ANOS1: variants seen among roughly 807,000 people sequenced by gnomAD.
ANOS1 encodes anosmin 1, also known as anosmin-1.
In ANOS1, 6 loss-of-function variants were observed where a neutral mutation model predicts 59.0. The observed-to-expected ratio is 0.10, with a 90% CI of 0.06 to 0.20. ANOS1 has a LOEUF of 0.20. Among genes scored for constraint, ANOS1 ranks in the 10% least tolerant of loss-of-function variants. ANOS1 has a pLI of 1.00. For synonymous variants in ANOS1, 217 were observed against 223.4 expected (o/e 0.97, Z 0.25); for missense variants, 433 against 542.3 (o/e 0.80, Z 2.00).
At chrX:8,598,081 G>A (rs759067330) in intron 3 of ANOS1, among the ~76,000 whole-genome samples, 8 of 111,715 alleles carry the variant, frequency 7.2e-5, no homozygotes, top group Non-Finnish European at 9.4e-5. Flanking sequence ...TTGTCTAAGC[G>A]TTCTAATTGA....
chrX:8,608,150 T>C lies in ANOS1; in HGVS notation c.319-10894A>G, dbSNP rs1015915412. Among the ~76,000 whole-genome samples the C allele has an allele frequency of 1.5e-4, 17 of 111,742 alleles. 2 individuals carry two copies. The highest frequency in any genetic ancestry group is 9.5e-4 in the Admixed American group (10 of 10,482). On this transcript the variant is annotated intron_variant, in intron 3 of 13. Transcript: ENST00000262648. ...GCAAGTGTCACTTTCTTCAAAATAT[T>C]AAAGGAAGATAAAATATTACCCTAA...
chrX:8,712,426 A>T (rs1368407564), intron 1 of ANOS1, among the ~76,000 whole-genome samples: 1 of 112,391 alleles, frequency 8.9e-6, no homozygotes, highest in East Asian at 2.8e-4. Context: ...CAACATATGG[A>T]GTTAGAGGTG....
chrX:8,665,616 C>T (rs1932121195), intron 2 of ANOS1, among the ~76,000 whole-genome samples: 1 of 111,925 alleles, frequency 8.9e-6, no homozygotes, highest in African/African-American at 3.2e-5. Context: ...TCTAAAACAT[C>T]AAAATATTTC....
chrX:8,539,485 T>C lies in ANOS1; in HGVS notation c.1449+179A>G, dbSNP rs183208968. Among the ~76,000 whole-genome samples, 773 of 110,911 alleles carry C rather than the reference T, an allele frequency of 7.0e-3. 5 individuals carry two copies. Among genetic ancestry groups the C allele is most frequent in the Non-Finnish European group, 0.011 (600 of 52,970 alleles). On this transcript the variant is annotated intron_variant, in intron 10 of 13. Transcript: ENST00000262648. ...ATAACAGAGTAAGCTCCCAGTGCAA[T>C]GGTGTGAATGGATAAAAGAATGAGT... is the stretch of plus-strand genomic sequence containing the variant.
At chrX:8,546,444 A>C (rs983645216) in intron 9 of ANOS1, among the ~76,000 whole-genome samples, 1 of 112,371 alleles carries the variant, frequency 8.9e-6, no homozygotes, top group Non-Finnish European at 1.9e-5. Flanking sequence ...GGAATGGATA[A>C]AATTTAAGAA....
intron 4 of ANOS1, among the ~76,000 whole-genome samples, chrX:8,589,912 A>T (rs953711454): frequency 9.0e-6 from 1 of 111,731 alleles, no homozygotes; most frequent in Non-Finnish European, 1.9e-5. Context: ...AACCTTTTTG[A>T]TATGTTCTTG....
rs1033256939 is a variant in ANOS1 at position 8,712,422 on chromosome X, A to T, written c.208-12677T>A. ...GAACTGGGGGTTAGGACATCAACATATGGAGTTAGAGGTGCATTATTCAAT... is the reference window on the plus strand; with the variant it reads ...GAACTGGGGGTTAGGACATCAACATTTGGAGTTAGAGGTGCATTATTCAAT... On this transcript the variant is annotated intron_variant, in intron 1 of 13. Coordinates refer to ENST00000262648, the MANE Select transcript of ANOS1 (RefSeq NM_000216.4). Among the ~76,000 whole-genome samples the T allele has an allele frequency of 7.1e-5, 8 of 112,421 alleles. No individual in the cohort carries two copies. In the Admixed American group the frequency reaches 7.5e-4, roughly 11 times the overall value.
intron 2 of ANOS1, among the ~76,000 whole-genome samples, chrX:8,634,913 C>T (rs1931548104): frequency 9.0e-6 from 1 of 111,259 alleles, no homozygotes; most frequent in Non-Finnish European, 1.9e-5. Context: ...GATATGTCTT[C>T]CCAAGCAACT....
intron 3 of ANOS1, among the ~76,000 whole-genome samples, chrX:8,616,484 G>T (rs1206648382): frequency 3.6e-5 from 4 of 111,070 alleles, no homozygotes; most frequent in Non-Finnish European, 7.5e-5. Context: ...TTTCAGCCTA[G>T]AACTCTCACC....
intron 3 of ANOS1, among the ~76,000 whole-genome samples, chrX:8,607,967 C>T (rs557443213): frequency 2.7e-5 from 3 of 111,392 alleles, no homozygotes; most frequent in African/African-American, 6.5e-5. Context: ...CTTTAAAGAC[C>T]AGTCATCAAT....
intron 2 of ANOS1, among the ~76,000 whole-genome samples, chrX:8,672,371 C>G (rs918814255): frequency 2.7e-5 from 3 of 112,134 alleles, no homozygotes; most frequent in African/African-American, 9.7e-5. Context: ...CTGAGGACAC[C>G]CTGCTGGTAA....
intron 1 of ANOS1, among the ~76,000 whole-genome samples, chrX:8,701,511 T>G (rs1161455728): frequency 1.8e-5 from 2 of 112,045 alleles, no homozygotes; most frequent in South Asian, 3.7e-4. Context: ...AAGAAACCTG[T>G]ACCTATTTGT....
chrX:8,675,598 G>A (rs1054270610), intron 2 of ANOS1, among the ~76,000 whole-genome samples: 22 of 111,152 alleles, frequency 2.0e-4, no homozygotes, highest in African/African-American at 5.9e-4. Context: ...CATTTCATGC[G>A]TCTCTAAAGC....
intron 3 of ANOS1, among the ~76,000 whole-genome samples, chrX:8,621,633 ACATT>A (rs1402019153): frequency 1.8e-5 from 2 of 112,368 alleles, no homozygotes; most frequent in Admixed American, 9.5e-5. Flanking sequence ...CCATGCACTT[ACATT>A]CATTATCTAT....
chrX:8,549,070 G>A (rs1002286167), intron 9 of ANOS1, among the ~76,000 whole-genome samples: 3 of 111,665 alleles, frequency 2.7e-5, no homozygotes, highest in Non-Finnish European at 5.6e-5. Flanking sequence ...CCCAAATCAA[G>A]GTCACTCCTT....
At chrX:8,675,177 G>A (rs781731880) in intron 2 of ANOS1, among the ~76,000 whole-genome samples, 8 of 111,635 alleles carry the variant, frequency 7.2e-5, no homozygotes, top group African/African-American at 2.6e-4. Context: ...CTGTGAATTT[G>A]GCACCTCTCA....
chrX:8,546,475 C>T lies in ANOS1; in HGVS notation c.1355-6717G>A, dbSNP rs144274347. ...AAGAAAAAGGACTTTTTGGAAAATA[C>T]GAAACTCTAATTAGAGCATGAGCTG... On this transcript the variant is annotated intron_variant, in intron 9 of 13. Coordinates refer to ENST00000262648, the MANE Select transcript of ANOS1 (RefSeq NM_000216.4). Among the ~76,000 whole-genome samples the T allele has an allele frequency of 5.4e-5, 6 of 111,958 alleles. No individual in the cohort carries two copies. The East Asian group carries it at 1.7e-3, about 32-fold the overall frequency.
At chrX:8,540,772 C>T in intron 9 of ANOS1, among the ~76,000 whole-genome samples, 1 of 108,982 alleles carries the variant, frequency 9.2e-6, no homozygotes, top group Non-Finnish European at 1.9e-5. Flanking sequence ...ACTTTGGAAC[C>T]AGAAAAGAAG....
At chrX:8,650,641 C>T (rs926703917) in intron 2 of ANOS1, among the ~76,000 whole-genome samples, 18 of 111,515 alleles carry the variant, frequency 1.6e-4, no homozygotes, top group African/African-American at 5.6e-4. Context: ...TCTTTTGAGC[C>T]CGGGAGACGG....
Sources: gnomAD v4.1 joint callset for allele counts (sites outside exome capture counted in the v4.1 genomes callset) on GRCh38, gnomAD v4.1.1 for gene constraint, MANE v1.5 for transcripts, NCBI Gene and HGNC (gene_info 2026-07-23, HGNC 2026-07-21) for gene names.